Variants in MTBP observed in about 807,000 individuals in gnomAD.
MTBP encodes the protein mdm2-binding protein.
In MTBP, 101 loss-of-function variants were observed where a neutral mutation model predicts 117.0. The observed-to-expected ratio is 0.86, with a 90% CI of 0.73 to 1.02. The LOEUF is 1.02. Among genes scored for constraint, MTBP ranks in the 50% least tolerant of loss-of-function variants. The probability of loss-of-function intolerance (pLI) is 0.00; values close to 1 mark genes in which losing one functional copy is unlikely to be tolerated. For synonymous variants in MTBP, 350 were observed against 351.5 expected (o/e 1.00, Z 0.05); for missense variants, 970 against 1,030.9 (o/e 0.94, Z 0.81).
chr8:120,484,484 T>C (rs1049175857), intron 11 of MTBP, among the ~76,000 whole-genome samples: 1 of 152,170 alleles, frequency 6.6e-6, no homozygotes, highest in Non-Finnish European at 1.5e-5. Flanking sequence ...TATTTTGGGA[T>C]GTATATATAT....
chr8:120,463,419 T>G (rs938857824), intron 9 of MTBP, among the ~76,000 whole-genome samples: 1 of 152,168 alleles, frequency 6.6e-6, no homozygotes, highest in Non-Finnish European at 1.5e-5. Context: ...TGAATTTTTA[T>G]TTAGGAGCTA....
chr8:120,478,612 A>T (rs1258178363), intron 11 of MTBP, among the ~76,000 whole-genome samples: 2 of 152,330 alleles, frequency 1.3e-5, no homozygotes, highest in East Asian at 3.9e-4. Context: ...AGAAAATCAT[A>T]TCTGATTGTT....
chr8:120,491,236 G>A (rs1024342506), intron 13 of MTBP, among the ~76,000 whole-genome samples: 6 of 151,946 alleles, frequency 3.9e-5, no homozygotes, highest in Non-Finnish European at 8.8e-5. Context: ...TTAGTTGTAT[G>A]TAGAAAAAAA....
intron 11 of MTBP, among the ~76,000 whole-genome samples, chr8:120,475,738 C>T (rs972359066): frequency 6.6e-6 from 1 of 151,730 alleles, no homozygotes; most frequent in African/African-American, 2.4e-5. Flanking sequence ...TTAAGTCAAC[C>T]TTATTACATT....
intron 14 of MTBP, among the ~76,000 whole-genome samples, chr8:120,499,002 A>C (rs1214059224): frequency 6.6e-6 from 1 of 152,198 alleles, no homozygotes; most frequent in Non-Finnish European, 1.5e-5. Flanking sequence ...TCATCTTAAA[A>C]TCAAAAAGGT....
chr8:120,497,480 A>C lies in MTBP; in HGVS notation c.1535A>C (p.Asp512Ala). 6.3e-7 allele frequency: 1 copy of C among 1,598,212 alleles called. No homozygotes were observed. Among genetic ancestry groups the C allele is most frequent in the Non-Finnish European group, 8.6e-7 (1 of 1,167,592 alleles). The change falls in exon 14 of 22, where the codon GAT becomes GCT. Residue 512 changes from aspartate to alanine, a missense_variant. Asp to Ala is a moderately radical substitution (Grantham distance 126). Transcript: ENST00000305949. ...GTACTCACAAGGAAACACTTTTTAG[A>C]TTATTTTGATGCTGTGATTCCTAAA... ...LLVLTRKHFLDYFDAVIPKMI... is the reference protein window; with the variant it reads ...LLVLTRKHFLAYFDAVIPKMI...
intron 8 of MTBP, among the ~76,000 whole-genome samples, chr8:120,460,333 A>G (rs1317387065): frequency 5.9e-5 from 9 of 152,210 alleles, no homozygotes; most frequent in Admixed American, 5.9e-4. Flanking sequence ...AACTTCTTCA[A>G]TAATGTAAAA....
chr8:120,496,445 A>G (rs1157758103), intron 13 of MTBP, among the ~76,000 whole-genome samples: 1 of 152,182 alleles, frequency 6.6e-6, no homozygotes, highest in East Asian at 1.9e-4. Flanking sequence ...GCTTCACTAT[A>G]GTATGGTGAA....
intron 15 of MTBP, among the ~76,000 whole-genome samples, chr8:120,504,398 CTG>C (rs1814651296): frequency 6.6e-6 from 1 of 152,116 alleles, no homozygotes; most frequent in Admixed American, 6.5e-5. Flanking sequence ...TTTCTTCTCT[CTG>C]AGTTCCTACT....
intron 2 of MTBP, 60 bp from the exon 3 acceptor site, chr8:120,450,943 C>A: frequency 1.7e-6 from 2 of 1,164,848 alleles, no homozygotes; most frequent in Non-Finnish European, 2.5e-6. Context: ...GGTATATATG[C>A]TGTGTCATCT....
intron 6 of MTBP, 39 bp downstream of exon 6, chr8:120,455,618 G>A (rs1221151828): frequency 1.9e-6 from 3 of 1,581,196 alleles, no homozygotes; most frequent in African/African-American, 2.7e-5. Flanking sequence ...TGTCTGCCTT[G>A]TCTGTTTTCA....
chr8:120,497,374 G>A lies in MTBP; in HGVS notation c.1448-19G>A. 3.2e-6 allele frequency: 5 copies of A among 1,583,204 alleles called. No homozygotes were observed. The highest frequency in any genetic ancestry group is 4.3e-6 in the Non-Finnish European group (5 of 1,170,138). On this transcript the variant is annotated intron_variant, in intron 13 of 21. Transcript: ENST00000305949. ...CCAGAGAATACAAAATAAGTCAATTGTATTGATTTGTCTTATAGAAAGACG... is the reference window on the plus strand; with the variant it reads ...CCAGAGAATACAAAATAAGTCAATTATATTGATTTGTCTTATAGAAAGACG...
chr8:120,501,991 G>C (rs1205639123), intron 14 of MTBP, among the ~76,000 whole-genome samples: 1 of 152,030 alleles, frequency 6.6e-6, no homozygotes, highest in Non-Finnish European at 1.5e-5. Context: ...TAACCATCTT[G>C]GTTTCTGCGA....
At chr8:120,479,477 G>C (rs1814025272) in intron 11 of MTBP, among the ~76,000 whole-genome samples, 2 of 152,196 alleles carry the variant, frequency 1.3e-5, no homozygotes, top group African/African-American at 4.8e-5. Context: ...TAGGAATACA[G>C]TGGTAAACCT....
At chr8:120,466,602 G>T (rs942907631) in intron 10 of MTBP, among the ~76,000 whole-genome samples, 3 of 151,966 alleles carry the variant, frequency 2.0e-5, no homozygotes, top group African/African-American at 7.2e-5. Flanking sequence ...GCTGGGCGCG[G>T]TGGCTCACGC....
At chr8:120,473,907 T>C (rs1335736833) in intron 11 of MTBP, 4 of 152,102 alleles carry the variant, frequency 2.6e-5, no homozygotes, top group Admixed American at 2.6e-4. Flanking sequence ...TTAATCATAA[T>C]ATTAACATCT....
chr8:120,451,571 A>G, intron 4 of MTBP: 1 of 374,284 alleles, frequency 2.7e-6, no homozygotes, highest in Admixed American at 4.3e-5. Flanking sequence ...TCTTGAAGAT[A>G]AATTCTGCCT....
At chr8:120,481,448 A>T (rs1563794991) in intron 11 of MTBP, among the ~76,000 whole-genome samples, 9 of 151,616 alleles carry the variant, frequency 5.9e-5, no homozygotes, top group Non-Finnish European at 7.4e-5. Flanking sequence ...TGAAGAGATC[A>T]TTTTTTTTTG....
chr8:120,452,173 C>T (rs1277495916), intron 4 of MTBP: 1 of 152,114 alleles, frequency 6.6e-6, no homozygotes, highest in African/African-American at 2.4e-5. Flanking sequence ...TATCCCACCT[C>T]TTATAGTTAA....
Sources: gnomAD v4.1 joint callset for allele counts (sites outside exome capture counted in the v4.1 genomes callset) on GRCh38, gnomAD v4.1.1 for gene constraint, MANE v1.5 for transcripts, NCBI Gene and HGNC (gene_info 2026-07-23, HGNC 2026-07-21) for gene names.